Variants in CD36 observed in about 807,000 individuals in gnomAD.
CD36 encodes CD36 molecule (CD36 blood group).
CD36 carries 119 observed loss-of-function variants against 55.2 expected under a neutral mutation model. That is an observed-to-expected ratio of 2.15 (90% confidence interval 1.86 to 2.51). CD36 has a LOEUF of 2.51. Ranked by LOEUF, CD36 falls within the 30% of genes most tolerant of loss-of-function variation. The pLI, the probability that CD36 is intolerant of heterozygous loss-of-function variation, is 0.00. For synonymous variants in CD36, 186 were observed against 193.6 expected (o/e 0.96, Z 0.33); for missense variants, 819 against 555.5 (o/e 1.47, Z -4.77).
At chr7:80,609,573 G>A (rs975810839) in intron 1 of CD36, among the ~76,000 whole-genome samples, 2 of 152,020 alleles carry the variant, frequency 1.3e-5, no homozygotes, top group African/African-American at 4.8e-5. Context: ...TGATTCTCAC[G>A]TTTTCTCCCA....
chr7:80,619,908 A>T (rs1793366441), intron 1 of CD36, among the ~76,000 whole-genome samples: 1 of 152,180 alleles, frequency 6.6e-6, no homozygotes, highest in South Asian at 2.1e-4. Context: ...AAATAGCAAG[A>T]AAACTAGAAT....
At chr7:80,649,580 G>A (rs1584378784) in intron 3 of CD36, among the ~76,000 whole-genome samples, 1 of 151,966 alleles carries the variant, frequency 6.6e-6, no homozygotes, top group African/African-American at 2.4e-5. Context: ...AACTCAAGAT[G>A]TCCAGTGAGT....
Position 80,620,854 on chromosome 7 carries a change from G to A in CD36, c.-184+18475G>A, listed in dbSNP as rs556467563. ...ACCAATATATATCATAACACCACAC[G>A]TGACAACAAAGAATTTATAATATTA... On this transcript the variant is annotated intron_variant, in intron 1 of 13. Coordinates refer to the CD36 transcript ENST00000309881. Among the ~76,000 whole-genome samples the A allele has an allele frequency of 1.8e-4, 28 of 152,322 alleles. 1 individual carries two copies. The South Asian group carries it at 5.6e-3, about 30-fold the overall frequency.
At chr7:80,654,392 G>A (rs1251627985) in intron 3 of CD36, among the ~76,000 whole-genome samples, 2 of 152,148 alleles carry the variant, frequency 1.3e-5, no homozygotes, top group Non-Finnish European at 2.9e-5. Flanking sequence ...AGAGGCACTT[G>A]ATGAATAACA....
intron 3 of CD36, among the ~76,000 whole-genome samples, chr7:80,655,133 A>G (rs1320248928): frequency 6.6e-6 from 1 of 152,142 alleles, no homozygotes; most frequent in Non-Finnish European, 1.5e-5. Context: ...TCCTGTGGTC[A>G]TTGTTCTCTT....
intron 14 of CD36, among the ~76,000 whole-genome samples, chr7:80,675,318 G>A (rs185059111): frequency 6.7e-4 from 101 of 151,566 alleles, no homozygotes; most frequent in African/African-American, 2.2e-3. Context: ...TAGATCATCC[G>A]CTGAAAAGTA....
intron 5 of CD36, among the ~76,000 whole-genome samples, chr7:80,662,125 A>G (rs3211895): frequency 0.017 from 2,630 of 152,320 alleles, 76 homozygotes; most frequent in African/African-American, 0.059. Context: ...CTGCATTAGC[A>G]CACTGGCATC....
rs3173798 is a variant in CD36, at chr7:80,656,534, T to C, written c.121-6T>C. 0.1 allele frequency: 164,384 copies of C among 1,612,296 alleles called. 13,527 individuals carry two copies. Among genetic ancestry groups the C allele is most frequent in the East Asian group, 0.42 (18,982 of 44,720 alleles). On this transcript the variant is annotated splice_region_variant and splice_polypyrimidine_tract_variant and intron_variant, in intron 3 of 14. Transcript: ENST00000447544. ...ACATAACCCAAACTTATTTTCTTTTTCATAGCAAGTTGTCCTCGAAGAAGG... is the reference window on the plus strand; with the variant it reads ...ACATAACCCAAACTTATTTTCTTTTCCATAGCAAGTTGTCCTCGAAGAAGG...
intron 12 of CD36, chr7:80,673,143 G>T: frequency 2.0e-6 from 1 of 504,924 alleles, no homozygotes. Flanking sequence ...TTATTGAAAG[G>T]AAAAATCCAC....
At chr7:80,608,332 C>A (rs918698121) in intron 1 of CD36, among the ~76,000 whole-genome samples, 12 of 152,168 alleles carry the variant, frequency 7.9e-5, no homozygotes, top group African/African-American at 2.7e-4. Context: ...TTGAGGCATA[C>A]TCTCTAGTGT....
intron 1 of CD36, among the ~76,000 whole-genome samples, chr7:80,645,028 T>A (rs1050687203): frequency 1.9e-4 from 29 of 151,740 alleles, no homozygotes; most frequent in African/African-American, 6.8e-4. Context: ...CAATCTTTTT[T>A]TTTTTTTTTG....
At chr7:80,669,796 C>T (rs1360565627) in intron 8 of CD36, among the ~76,000 whole-genome samples, 157 bp from the exon 9 acceptor site, 1 of 152,000 alleles carries the variant, frequency 6.6e-6, no homozygotes, top group African/African-American at 2.4e-5. Flanking sequence ...CATGCCTGGC[C>T]GGTTATTTCT....
intron 3 of CD36, among the ~76,000 whole-genome samples, chr7:80,655,379 G>T (rs542099537): frequency 3.9e-5 from 6 of 152,270 alleles, no homozygotes; most frequent in African/African-American, 1.4e-4. Flanking sequence ...TACAGCTAAT[G>T]AAGTTGACCC....
chr7:80,672,766 T>TTAGATAACTGGATTC lies in CD36; in HGVS notation c.1126-3_1137dup. On this transcript the variant is annotated splice_region_variant and splice_polypyrimidine_tract_variant and intron_variant, in intron 11 of 14. Transcript: ENST00000447544. ...TGGTAATTATTTAGTTGTTCTCTTTTTAGATAACTGGATTCACTTTACAAT... is the reference window on the plus strand; with the variant it reads ...TGGTAATTATTTAGTTGTTCTCTTTTTAGATAACTGGATTCTAGATAACTGGATTCACTTTACAAT... 6.3e-7 allele frequency: 1 copy of TTAGATAACTGGATTC among 1,598,268 alleles called. No homozygotes were observed. The highest frequency in any genetic ancestry group is 1.1e-5 in the South Asian group (1 of 90,532).
chr7:80,649,892 G>A (rs1012500243), intron 3 of CD36, among the ~76,000 whole-genome samples: 1 of 151,946 alleles, frequency 6.6e-6, no homozygotes. Context: ...GAAGTTAATA[G>A]GAGGCCAGAA....
At chr7:80,641,834 A>T (rs1191130081) in intron 1 of CD36, among the ~76,000 whole-genome samples, 1 of 152,060 alleles carries the variant, frequency 6.6e-6, no homozygotes, top group Non-Finnish European at 1.5e-5. Flanking sequence ...ATCTCAGTCT[A>T]ATGCAGGCTT....
At chr7:80,655,929 A>AAAAAAGAAAAG (rs1796014095) in intron 3 of CD36, among the ~76,000 whole-genome samples, 1 of 150,124 alleles carries the variant, frequency 6.7e-6, no homozygotes, top group African/African-American at 2.5e-5. Flanking sequence ...TCAAAAAAAA[A>AAAAAAGAAAAG]AAAAAGAAAA....
At position 80,674,139 on chromosome 7, in the gene CD36, A is replaced by G; in HGVS notation, c.1411A>G (p.Ile471Val). The change falls in exon 14 of 15, where the codon ATA becomes GTA. Residue 471 changes from isoleucine (I) to valine (V), a missense_variant. Coordinates refer to ENST00000447544, the MANE Select transcript of CD36 (RefSeq NM_001001548.3). ...ISYCACRSKT[I>V]K ...ATATTGTGCATGCAGATCGAAAACA[A>G]TAAAATAAGTAAGTATGTACCAAAA... The G allele has an allele frequency of 1.2e-6, 2 of 1,609,384 alleles. No homozygotes were observed. Among genetic ancestry groups the G allele is most frequent in the South Asian group, 2.2e-5 (2 of 90,918 alleles).
chr7:80,614,331 T>C (rs952963684), intron 1 of CD36, among the ~76,000 whole-genome samples: 7 of 152,190 alleles, frequency 4.6e-5, no homozygotes, highest in Non-Finnish European at 1.0e-4. Flanking sequence ...GGTTTAGACA[T>C]AGGTTCTCTT....
Sources: gnomAD v4.1 joint callset for allele counts (sites outside exome capture counted in the v4.1 genomes callset) on GRCh38, gnomAD v4.1.1 for gene constraint, MANE v1.5 for transcripts, NCBI Gene and HGNC (gene_info 2026-07-23, HGNC 2026-07-21) for gene names.